The following CEP78 variants were observed in gnomAD, a reference collection of about 807,000 sequenced individuals.
CEP78 encodes centrosomal protein 78, also known as centrosomal protein of 78 kDa.
CEP78 carries 76 observed loss-of-function variants against 81.2 expected under a neutral mutation model. The ratio of observed to expected loss-of-function variants is 0.94; its 90% CI spans 0.78 to 1.13. CEP78 has a LOEUF of 1.13. CEP78 is among the 50% of genes most tolerant of loss of function. CEP78 has a pLI of 0.00. For synonymous variants in CEP78, 293 were observed against 301.4 expected (o/e 0.97, Z 0.29); for missense variants, 918 against 846.8 (o/e 1.08, Z -1.04).
intron 8 of CEP78, among the ~76,000 whole-genome samples, chr9:78,250,653 T>C (rs1273744862): frequency 6.6e-6 from 1 of 152,064 alleles, no homozygotes; most frequent in Non-Finnish European, 1.5e-5. Context: ...GCAGAAGAAT[T>C]GCTTGGACCT....
intron 5 of CEP78, 96 bp from the exon 6 acceptor site, chr9:78,246,573 C>G (rs1418909929): frequency 2.9e-6 from 2 of 681,278 alleles, no homozygotes; most frequent in African/African-American, 3.8e-5. Flanking sequence ...GCACTCCAGC[C>G]TGGGTGACAG....
chr9:78,272,124 G>T lies in CEP78; in HGVS notation c.*1273G>T, dbSNP rs956934588. 3 of 152,058 alleles carry T rather than the reference G, an allele frequency of 2.0e-5. No individual in the cohort carries two copies. The highest frequency in any genetic ancestry group is 7.3e-5 in the African/African-American group (3 of 41,366). 9.4% of individuals were successfully genotyped at this position (152,058 alleles called of 1,614,324 possible). On this transcript the variant is annotated 3_prime_UTR_variant, in exon 17 of 17. Coordinates refer to ENST00000643273, the MANE Select transcript of CEP78 (RefSeq NM_001330691.3). ...GTAAAGACGGGGTTTCACCATGTTG[G>T]CCAGGCTGGTCTCGAACTCCTAACC...
rs1474478279 is a variant in CEP78 at position 78,236,208 on chromosome 9, G to A, written c.-143G>A. The A allele has an allele frequency of 2.4e-5, 17 of 710,152 alleles. No homozygotes were observed. The highest frequency in any genetic ancestry group is 1.9e-5 in the South Asian group (1 of 51,962). 44.0% of individuals were successfully genotyped at this position (710,152 alleles called of 1,614,324 possible). On this transcript the variant is annotated 5_prime_UTR_variant, in exon 1 of 17. Transcript: ENST00000643273. Reference sequence around the variant, plus strand: ...GGCTCTGGCCTTGCGTCTTCCGACCGAATCACCGCTCCTGAGCCCGGTGCG... The same window carrying A: ...GGCTCTGGCCTTGCGTCTTCCGACCAAATCACCGCTCCTGAGCCCGGTGCG...
At chr9:78,248,957 A>G in intron 8 of CEP78, 84 bp downstream of exon 8, 1 of 604,318 alleles carries the variant, frequency 1.7e-6, no homozygotes, top group Non-Finnish European at 2.9e-6. Flanking sequence ...TATGATATTG[A>G]CAGTAACAAC....
chr9:78,266,899 A>G, intron 16 of CEP78, 196 bp downstream of exon 16: 1 of 1,432,424 alleles, frequency 7.0e-7, no homozygotes, highest in South Asian at 1.6e-5. Context: ...GTTTCATCCA[A>G]GACAAATAAA....
Position 78,266,559 on chromosome 9 carries a change from G to T in CEP78, c.1963G>T (p.Glu655Ter). Residue 655 changes from glutamate to a stop codon, truncating the protein, a stop_gained, in exon 16 of 17, where the codon GAG becomes TAG. Transcript: ENST00000643273. LOFTEE classifies it high-confidence loss of function. The stretch of plus-strand genomic sequence containing the variant: ...CAACAACCTAGGAGTCCCAGCTACT[G>T]AGCAGCGGCAGGAGTCTTTTGAAGG... ...SSNNLGVPATEQRQESFEGFI... is the reference protein window; with the variant it reads ...SSNNLGVPAT The T allele has an allele frequency of 6.2e-7, 1 of 1,613,904 alleles. No homozygotes were observed. The highest frequency in any genetic ancestry group is 1.1e-5 in the South Asian group (1 of 91,066).
At chr9:78,239,184 G>T (rs1826101074) in intron 1 of CEP78, among the ~76,000 whole-genome samples, 1 of 151,904 alleles carries the variant, frequency 6.6e-6, no homozygotes, top group Non-Finnish European at 1.5e-5. Context: ...GTGGGTCTAG[G>T]TTGTAGATTT....
intron 4 of CEP78, among the ~76,000 whole-genome samples, chr9:78,242,769 G>T (rs1826295238): frequency 2.0e-5 from 3 of 151,896 alleles, no homozygotes; most frequent in African/African-American, 7.3e-5. Flanking sequence ...TTACTTTATG[G>T]ATAAAGAGAA....
chr9:78,246,912 T>C, intron 6 of CEP78, 130 bp downstream of exon 6: 1 of 531,924 alleles, frequency 1.9e-6, no homozygotes, highest in South Asian at 2.7e-5. Context: ...TTGCACTTTC[T>C]TATGTTTTTA....
At chr9:78,268,594 T>C (rs193238887) in intron 16 of CEP78, among the ~76,000 whole-genome samples, 43 of 152,160 alleles carry the variant, frequency 2.8e-4, no homozygotes, top group South Asian at 1.0e-3. Flanking sequence ...ATGGGACTTA[T>C]CCTCCCAATT....
chr9:78,267,347 G>A (rs1247751297), intron 16 of CEP78, among the ~76,000 whole-genome samples: 1 of 152,144 alleles, frequency 6.6e-6, no homozygotes, highest in Non-Finnish European at 1.5e-5. Context: ...GAAAGGGATG[G>A]GAGTGAATAA....
rs1350260929 is a variant in CEP78, at chr9:78,243,640, A to G, written c.778+4A>G. On this transcript the variant is annotated splice_donor_region_variant and intron_variant, in intron 5 of 16. Coordinates refer to ENST00000643273, the MANE Select transcript of CEP78 (RefSeq NM_001330691.3). ...AGTGAGGATTTATGGCTGAGAGGTA[A>G]GTTAAATGAACTTGTAAGGTGGAAA... 1.2e-6 allele frequency: 2 copies of G among 1,611,312 alleles called. No individual in the cohort carries two copies.
At chr9:78,257,873 TG>T (rs1295753771) in intron 11 of CEP78, among the ~76,000 whole-genome samples, 1 of 152,212 alleles carries the variant, frequency 6.6e-6, no homozygotes, top group African/African-American at 2.4e-5. Flanking sequence ...GGTTGTAAAC[TG>T]GAACAGTCCA....
At chr9:78,256,352 T>G (rs1827024715) in intron 11 of CEP78, among the ~76,000 whole-genome samples, 1 of 152,082 alleles carries the variant, frequency 6.6e-6, no homozygotes, top group Non-Finnish European at 1.5e-5. Flanking sequence ...TCTCCTGAAA[T>G]GAGATCATTT....
At chr9:78,244,547 C>T (rs1487967556) in intron 5 of CEP78, among the ~76,000 whole-genome samples, 1 of 152,188 alleles carries the variant, frequency 6.6e-6, no homozygotes, top group Non-Finnish European at 1.5e-5. Flanking sequence ...ATATTATAGT[C>T]TCATAAATGC....
At position 78,248,417 on chromosome 9, in the gene CEP78, C is replaced by T. The variant is rs576234951; in HGVS notation, c.957+62C>T. 107 of 1,072,228 alleles carry T rather than the reference C, an allele frequency of 1.0e-4. No homozygotes were observed. In the East Asian group the frequency reaches 2.5e-3, roughly 25 times the overall value. 66.4% of individuals were successfully genotyped at this position (1,072,228 alleles called of 1,614,324 possible). A position where few individuals can be genotyped will look rare whatever the true frequency, so the allele number is the denominator to read the frequency against. On this transcript the variant is annotated intron_variant, in intron 7 of 16. Transcript: ENST00000643273. ...TTTAATTGCTTTTCTTCTGGGATCT[C>T]ACTGTACTGCCCAGCCTGGCCTCAA...
In CEP78 at chr9:78,241,751, A is replaced by G; in HGVS notation, c.555A>G (p.Gly185=). The G allele has an allele frequency of 6.2e-7, 1 of 1,611,126 alleles. No homozygotes were observed. Among genetic ancestry groups the G allele is most frequent in the Non-Finnish European group, 8.5e-7 (1 of 1,177,730 alleles). Residue 185 remains glycine (G), a synonymous_variant, in exon 4 of 17, where the codon GGA becomes GGG. Coordinates refer to ENST00000643273, the MANE Select transcript of CEP78 (RefSeq NM_001330691.3). The part of the protein sequence containing the change: ...SITLKTVNFT[G]CNLTWQGADH... ...CTCTTAAGACAGTCAACTTCACAGGATGTAATCTGACATGGCAGGGAGCAG... is the reference window on the plus strand; with the variant it reads ...CTCTTAAGACAGTCAACTTCACAGGGTGTAATCTGACATGGCAGGGAGCAG...
At chr9:78,252,990 A>C (rs1473352686) in intron 9 of CEP78, among the ~76,000 whole-genome samples, 2 of 152,198 alleles carry the variant, frequency 1.3e-5, no homozygotes, top group Non-Finnish European at 2.9e-5. Flanking sequence ...TTAGATTAGA[A>C]ATCTGAACCA....
Position 78,276,525 on chromosome 9 carries a change from C to A in CEP78, c.*5674C>A, listed in dbSNP as rs1587620767. 1.3e-5 allele frequency: 2 copies of A among 150,168 alleles called. No individual in the cohort carries two copies. Among genetic ancestry groups the A allele is most frequent in the African/African-American group, 2.4e-5 (1 of 40,832 alleles). The allele number at this position is 150,168 out of a possible 1,614,324, so 9.3% of individuals were successfully genotyped here. On this transcript the variant is annotated 3_prime_UTR_variant, in exon 17 of 17. Transcript: ENST00000643273. ...GGTCTTTTTTTTTTTGGACAAAAAA[C>A]CCCCTGTGATGATCTACTGGCATGC... is the stretch of plus-strand genomic sequence containing the variant.
Sources: allele counts gnomAD v4.1 joint callset (sites outside exome capture counted in the v4.1 genomes callset), GRCh38; gene constraint gnomAD v4.1.1; transcripts MANE v1.5; gene names NCBI Gene and HGNC (gene_info 2026-07-23, HGNC 2026-07-21).